FBLN2: variants seen among roughly 807,000 people sequenced by gnomAD.
FBLN2 encodes fibulin 2, also known as fibulin-2.
In FBLN2, 81 loss-of-function variants were observed where a neutral mutation model predicts 123.7. The observed-to-expected ratio is 0.65, with a 90% CI of 0.55 to 0.79. The LOEUF is 0.79. Among genes scored for constraint, FBLN2 ranks in the 30% least tolerant of loss-of-function variants. The pLI is 0.00. For synonymous variants in FBLN2, 699 were observed against 701.4 expected, an observed-to-expected ratio of 1.00 and a Z score of 0.05; for missense variants, 1,603 against 1,681.3, an observed-to-expected ratio of 0.95 and a Z score of 0.81.
At chr3:13,563,870 G>A (rs1448711643) in intron 1 of FBLN2, among the ~76,000 whole-genome samples, 1 of 152,160 alleles carries the variant, frequency 6.6e-6, no homozygotes, top group African/African-American at 2.4e-5. Flanking sequence ...CGGGGTGGTT[G>A]GAGGGGCAGG....
At chr3:13,632,267 C>T (rs562086306) in intron 16 of FBLN2, among the ~76,000 whole-genome samples, 2 of 152,318 alleles carry the variant, frequency 1.3e-5, no homozygotes, top group African/African-American at 2.4e-5. Context: ...CTCGCTCCCT[C>T]GGCCCCTCGG....
At chr3:13,630,523 T>C (rs1008158042) in intron 14 of FBLN2, among the ~76,000 whole-genome samples, 176 bp from the exon 15 acceptor site, 1 of 152,208 alleles carries the variant, frequency 6.6e-6, no homozygotes, top group Non-Finnish European at 1.5e-5. Flanking sequence ...CTGAGACCCC[T>C]GGGAGGCCAT....
At chr3:13,632,843 T>TA (rs367943653) in intron 16 of FBLN2, among the ~76,000 whole-genome samples, 4,579 of 147,352 alleles carry the variant, frequency 0.031, 236 homozygotes, top group African/African-American at 0.1. Flanking sequence ...TCTTGTTAAT[T>TA]AAAAAAAAAA....
intron 9 of FBLN2, among the ~76,000 whole-genome samples, chr3:13,623,987 C>G (rs533680279): frequency 8.5e-5 from 13 of 152,190 alleles, no homozygotes; most frequent in Admixed American, 7.2e-4. Flanking sequence ...GCCAAGGACT[C>G]CCCTGTGTTT....
chr3:13,630,719 C>G lies in FBLN2; in HGVS notation c.2989C>G (p.Gln997Glu). The G allele has an allele frequency of 6.2e-7, 1 of 1,607,514 alleles. No individual in the cohort carries two copies. The highest frequency in any genetic ancestry group is 8.5e-7 in the Non-Finnish European group (1 of 1,177,326). ...TGCAGACGTGAATGAGTGTGAGGCC[C>G]AGCGCTGCAGCCAGGAGTGTGCCAA... ...RCEDVNECEA[Q>E]RCSQECANIY... Residue 997 changes from glutamine (Q) to glutamate (E), a missense_variant, in exon 15 of 18, where the codon CAG becomes GAG. By Grantham distance (29) the Gln-to-Glu change is conservative. Coordinates refer to ENST00000404922, the MANE Select transcript of FBLN2 (RefSeq NM_001004019.2).
chr3:13,608,691 C>A (rs1412799443), intron 3 of FBLN2, among the ~76,000 whole-genome samples: 1 of 152,168 alleles, frequency 6.6e-6, no homozygotes, highest in African/African-American at 2.4e-5. Context: ...CTTTTCCAGG[C>A]CCAGGAGAGC....
chr3:13,626,759 A>G (rs1206065581), intron 10 of FBLN2, among the ~76,000 whole-genome samples, 180 bp downstream of exon 10: 1 of 151,430 alleles, frequency 6.6e-6, no homozygotes, highest in Non-Finnish European at 1.5e-5. Context: ...GGAAGACCCC[A>G]CAATGGTGGT....
intron 5 of FBLN2, among the ~76,000 whole-genome samples, chr3:13,615,446 G>A (rs1336230653): frequency 6.6e-6 from 1 of 152,228 alleles, no homozygotes; most frequent in Non-Finnish European, 1.5e-5. Flanking sequence ...CCACAGATGA[G>A]GTCCTGGTAT....
At chr3:13,594,689 T>A (rs1319314467) in intron 2 of FBLN2, among the ~76,000 whole-genome samples, 1 of 152,062 alleles carries the variant, frequency 6.6e-6, no homozygotes, top group African/African-American at 2.4e-5. Flanking sequence ...AGGAAACAGC[T>A]TTTGCCAGGC....
At chr3:13,551,836 G>A (rs1035759412) in intron 1 of FBLN2, among the ~76,000 whole-genome samples, 1 of 130,150 alleles carries the variant, frequency 7.7e-6, no homozygotes, top group Non-Finnish European at 1.6e-5. Context: ...CACCGTGCCC[G>A]GCCCCTCCTT....
At chr3:13,579,680 T>C (rs1278309040) in intron 2 of FBLN2, among the ~76,000 whole-genome samples, 1 of 152,256 alleles carries the variant, frequency 6.6e-6, no homozygotes, top group Non-Finnish European at 1.5e-5. Flanking sequence ...CCATCTTTGA[T>C]TTACCGGTTC....
At chr3:13,570,152 G>A (rs913550225) in intron 1 of FBLN2, among the ~76,000 whole-genome samples, 163 bp from the exon 2 acceptor site, 2 of 152,178 alleles carry the variant, frequency 1.3e-5, no homozygotes, top group Admixed American at 6.5e-5. Context: ...CATGTGTGGC[G>A]GAGCCTGTGT....
chr3:13,626,558 C>T lies in FBLN2; in HGVS notation c.2410C>T (p.Leu804Phe). ...KALTCEPGYA[L>F]KDGECEDVDE... ...ACTCACCTGTGAGCCAGGCTATGCC[C>T]TCAAGGATGGCGAGTGCGAAGGTGA... The change falls in exon 10 of 18, where the codon CTC becomes TTC. Residue 804 changes from leucine (L) to phenylalanine (F), a missense_variant. Coordinates refer to ENST00000404922, the MANE Select transcript of FBLN2 (RefSeq NM_001004019.2). The T allele has an allele frequency of 2.6e-6, 4 of 1,550,542 alleles. No individual in the cohort carries two copies. The highest frequency in any genetic ancestry group is 2.4e-5 in the East Asian group (1 of 40,930).
At chr3:13,595,393 C>A (rs1177885334) in intron 2 of FBLN2, among the ~76,000 whole-genome samples, 1 of 152,186 alleles carries the variant, frequency 6.6e-6, no homozygotes, top group Non-Finnish European at 1.5e-5. Context: ...TCTTAGCCAT[C>A]CCCTGCTGGT....
chr3:13,574,695 C>T (rs1704077718), intron 2 of FBLN2, among the ~76,000 whole-genome samples: 1 of 152,166 alleles, frequency 6.6e-6, no homozygotes, highest in African/African-American at 2.4e-5. Context: ...TCCCTTTCTG[C>T]AGGGCCCAGG....
Position 13,613,997 on chromosome 3 carries a change from G to T in FBLN2, c.1562G>T (p.Cys521Phe). The change falls in exon 5 of 18, where the codon TGC becomes TTC. Residue 521 changes from cysteine (C) to phenylalanine (F), a missense_variant. Transcript: ENST00000404922. ...GISLYKQCCD[C>F]CGLGLRVRAE... ...CTCTCCCTGCAGCAATGCTGTGACTGCTGTGGCCTGGGCCTCCGCGTGCGG... is the reference window on the plus strand; with the variant it reads ...CTCTCCCTGCAGCAATGCTGTGACTTCTGTGGCCTGGGCCTCCGCGTGCGG... The T allele has an allele frequency of 1.2e-6, 2 of 1,612,364 alleles. No homozygotes were observed. The highest frequency in any genetic ancestry group is 1.7e-6 in the Non-Finnish European group (2 of 1,179,778).
chr3:13,577,880 T>C (rs1254024148), intron 2 of FBLN2, among the ~76,000 whole-genome samples: 1 of 152,230 alleles, frequency 6.6e-6, no homozygotes, highest in Non-Finnish European at 1.5e-5. Context: ...TTTCACCCTG[T>C]GGCAACCTGG....
At chr3:13,610,281 C>G (rs1363211986) in intron 4 of FBLN2, among the ~76,000 whole-genome samples, 1 of 152,162 alleles carries the variant, frequency 6.6e-6, no homozygotes, top group Non-Finnish European at 1.5e-5. Flanking sequence ...GTCAGGGCTC[C>G]TGGCCATCAT....
intron 1 of FBLN2, among the ~76,000 whole-genome samples, chr3:13,561,071 C>T (rs933632960): frequency 2.2e-4 from 34 of 152,156 alleles, no homozygotes; most frequent in African/African-American, 7.7e-4. Flanking sequence ...GGATACTGCC[C>T]GCCCCCATAG....
Sources: allele counts gnomAD v4.1 joint callset (sites outside exome capture counted in the v4.1 genomes callset), GRCh38; gene constraint gnomAD v4.1.1; transcripts MANE v1.5; gene names NCBI Gene and HGNC (gene_info 2026-07-23, HGNC 2026-07-21).